The following MARCHF11 variants were observed in gnomAD, a reference collection of about 807,000 sequenced individuals.
MARCHF11 encodes E3 ubiquitin-protein ligase MARCHF11.
A neutral mutation model predicts 37.3 loss-of-function variants in MARCHF11; 29 were observed. The ratio of observed to expected loss-of-function variants is 0.78; its 90% CI spans 0.58 to 1.06. MARCHF11 has a LOEUF of 1.06. MARCHF11 is among the 50% of genes least tolerant of loss of function. MARCHF11 has a pLI of 0.00. For missense variants in MARCHF11, 482 were observed against 533.4 expected, an observed-to-expected ratio of 0.90 and a Z score of 0.95; for synonymous variants, 233 against 228.0, an observed-to-expected ratio of 1.02 and a Z score of -0.20.
chr5:16,071,724 C>A (rs577486195), intron 3 of MARCHF11, among the ~76,000 whole-genome samples: 2 of 152,066 alleles, frequency 1.3e-5, no homozygotes, highest in South Asian at 4.1e-4. Context: ...TGATCAAATA[C>A]AAACAAATTT....
intron 2 of MARCHF11, among the ~76,000 whole-genome samples, chr5:16,115,451 G>C (rs1579390289): frequency 6.6e-6 from 1 of 152,272 alleles, no homozygotes; most frequent in Middle Eastern, 3.4e-3. Flanking sequence ...AGTCCTGGAA[G>C]GTGGAAGAAA....
At chr5:16,111,717 A>G (rs1478648268) in intron 2 of MARCHF11, among the ~76,000 whole-genome samples, 4 of 152,220 alleles carry the variant, frequency 2.6e-5, no homozygotes, top group African/African-American at 9.6e-5. Flanking sequence ...TTAATCAGCA[A>G]GACAATAGGG....
intron 3 of MARCHF11, among the ~76,000 whole-genome samples, chr5:16,085,591 C>CGGGGGGGGGGGT (rs5866169): frequency 1.2e-5 from 1 of 82,184 alleles, no homozygotes; most frequent in Non-Finnish European, 2.6e-5. Context: ...TGGGTGGGGT[C>CGGGGGGGGGGGT]GGGGGGGGGA....
At chr5:16,119,049 T>C (rs180930235) in intron 2 of MARCHF11, among the ~76,000 whole-genome samples, 2 of 152,186 alleles carry the variant, frequency 1.3e-5, no homozygotes, top group African/African-American at 4.8e-5. Flanking sequence ...AATAATCCAA[T>C]AGCGAGAGAC....
intron 2 of MARCHF11, among the ~76,000 whole-genome samples, chr5:16,175,693 G>C (rs1173056886): frequency 6.6e-6 from 1 of 152,192 alleles, no homozygotes; most frequent in East Asian, 1.9e-4. Flanking sequence ...TCTCTGTTCT[G>C]TTCTACATCC....
At chr5:16,079,407 C>A (rs1736570118) in intron 3 of MARCHF11, among the ~76,000 whole-genome samples, 1 of 152,166 alleles carries the variant, frequency 6.6e-6, no homozygotes, top group South Asian at 2.1e-4. Context: ...GAAAGCTAAG[C>A]CCATCCTGGA....
chr5:16,107,693 C>G (rs1470338080), intron 2 of MARCHF11, among the ~76,000 whole-genome samples: 2 of 148,284 alleles, frequency 1.3e-5, no homozygotes, highest in East Asian at 3.9e-4. Flanking sequence ...GCCGATCACG[C>G]CCCCCTATCC....
intron 2 of MARCHF11, among the ~76,000 whole-genome samples, chr5:16,150,738 C>A (rs1220782369): frequency 6.6e-6 from 1 of 152,026 alleles, no homozygotes; most frequent in Non-Finnish European, 1.5e-5. Flanking sequence ...TTTCAGGACT[C>A]CCACAGTGCC....
At chr5:16,143,702 T>C (rs1177426028) in intron 2 of MARCHF11, among the ~76,000 whole-genome samples, 1 of 152,196 alleles carries the variant, frequency 6.6e-6, no homozygotes, top group African/African-American at 2.4e-5. Flanking sequence ...GTTGAAAAAT[T>C]ATGCAAGGTC....
chr5:16,109,437 T>C (rs538558666), intron 2 of MARCHF11, among the ~76,000 whole-genome samples: 2 of 152,328 alleles, frequency 1.3e-5, no homozygotes, highest in South Asian at 4.1e-4. Flanking sequence ...AGGACAGAGT[T>C]CGTAGAACTT....
chr5:16,097,522 C>G (rs1213599295), intron 2 of MARCHF11, among the ~76,000 whole-genome samples: 1 of 152,144 alleles, frequency 6.6e-6, no homozygotes, highest in Non-Finnish European at 1.5e-5. Flanking sequence ...AATATAATAA[C>G]TGATTCTAAA....
rs552306729 is a variant in MARCHF11 at position 16,069,632 on chromosome 5, A to G, written c.887-1839T>C. Among the ~76,000 whole-genome samples the G allele has an allele frequency of 2.6e-5, 4 of 152,280 alleles. No homozygotes were observed. The South Asian group carries it at 8.3e-4, about 32-fold the overall frequency. Reference sequence around the variant, plus strand: ...AGTGATAGCAGTAAGGATAGGATAGAGAAATAAAGTAATAAATTCCCAGGG... The same window carrying G: ...AGTGATAGCAGTAAGGATAGGATAGGGAAATAAAGTAATAAATTCCCAGGG... On this transcript the variant is annotated intron_variant, in intron 3 of 3. Transcript: ENST00000332432.
At chr5:16,098,320 C>T (rs1242018621) in intron 2 of MARCHF11, among the ~76,000 whole-genome samples, 1 of 152,034 alleles carries the variant, frequency 6.6e-6, no homozygotes, top group Non-Finnish European at 1.5e-5. Context: ...TGCAATGAAC[C>T]AAATAACAAA....
At chr5:16,104,334 G>C (rs1737003047) in intron 2 of MARCHF11, among the ~76,000 whole-genome samples, 1 of 151,912 alleles carries the variant, frequency 6.6e-6, no homozygotes, top group African/African-American at 2.4e-5. Context: ...GTAACAAAAA[G>C]CCCTTAAAAC....
intron 2 of MARCHF11, among the ~76,000 whole-genome samples, chr5:16,134,015 C>T (rs545081768): frequency 7.2e-5 from 11 of 152,186 alleles, no homozygotes; most frequent in Admixed American, 2.6e-4. Context: ...ATACAAATGA[C>T]TCATAAACAT....
At chr5:16,098,165 GA>G (rs1444427318) in intron 2 of MARCHF11, among the ~76,000 whole-genome samples, 3 of 152,116 alleles carry the variant, frequency 2.0e-5, no homozygotes, top group Admixed American at 1.3e-4. Context: ...ATCCTAACCT[GA>G]AAAGGGCATC....
intron 2 of MARCHF11, among the ~76,000 whole-genome samples, chr5:16,095,825 C>A (rs910675192): frequency 6.6e-6 from 1 of 152,184 alleles, no homozygotes; most frequent in African/African-American, 2.4e-5. Context: ...TGTCCCTGGA[C>A]TGCAAGTTTC....
chr5:16,168,658 T>G (rs1738209147), intron 2 of MARCHF11, among the ~76,000 whole-genome samples: 1 of 152,120 alleles, frequency 6.6e-6, no homozygotes, highest in African/African-American at 2.4e-5. Context: ...CACTGTGCCC[T>G]TCTCCTTCTT....
At chr5:16,103,367 G>A (rs538496909) in intron 2 of MARCHF11, among the ~76,000 whole-genome samples, 75 of 152,274 alleles carry the variant, frequency 4.9e-4, no homozygotes, top group African/African-American at 1.7e-3. Flanking sequence ...TTGGGAAATA[G>A]TGGGGTTTTA....
Sources: allele counts gnomAD v4.1 joint callset (sites outside exome capture counted in the v4.1 genomes callset), GRCh38; gene constraint gnomAD v4.1.1; transcripts MANE v1.5; gene names NCBI Gene and HGNC (gene_info 2026-07-23, HGNC 2026-07-21).